The following DMD variants were observed in gnomAD, a reference collection of about 807,000 sequenced individuals.
DMD encodes the protein mutant dystrophin.
Under a neutral mutation model 330.1 loss-of-function variants are expected in DMD, and 63 were observed. The observed-to-expected ratio is 0.19, with a 90% CI of 0.16 to 0.24. The LOEUF is 0.24. DMD is among the 10% of genes least tolerant of loss of function. The pLI, the probability that DMD is intolerant of heterozygous loss-of-function variation, is 1.00. For missense variants in DMD, 3,344 were observed against 2,684.1 expected (o/e 1.25, Z -5.43); for synonymous variants, 1,223 against 959.8 (o/e 1.27, Z -5.07).
chrX:31,934,756 C>T (rs1166377551), intron 45 of DMD, among the ~76,000 whole-genome samples: 1 of 111,277 alleles, frequency 9.0e-6, no homozygotes, highest in Non-Finnish European at 1.9e-5. Flanking sequence ...ATCTGGAGCT[C>T]GGGGAGAGAG....
intron 13 of DMD, among the ~76,000 whole-genome samples, chrX:32,585,060 G>A (rs1027013271): frequency 9.0e-6 from 1 of 111,249 alleles, no homozygotes; most frequent in African/African-American, 3.3e-5. Context: ...AATGGAACTG[G>A]AGGTCATTAT....
chrX:32,158,408 GA>G (rs201006830), intron 44 of DMD, among the ~76,000 whole-genome samples: 3 of 110,544 alleles, frequency 2.7e-5, no homozygotes, highest in African/African-American at 3.3e-5. Context: ...AAAGAAAAAA[GA>G]AAAAAATAAT....
intron 9 of DMD, among the ~76,000 whole-genome samples, chrX:32,651,568 T>C (rs771952795): frequency 6.2e-5 from 7 of 112,010 alleles, no homozygotes; most frequent in Admixed American, 4.7e-4. Flanking sequence ...GGAAATCAAA[T>C]GTCAAGTCTA....
At chrX:32,583,008 C>A in intron 13 of DMD, among the ~76,000 whole-genome samples, 1 of 111,640 alleles carries the variant, frequency 9.0e-6, no homozygotes, top group Non-Finnish European at 1.9e-5. Context: ...TGCCTAATCA[C>A]CATCCTAACC....
chrX:32,842,824 T>G (rs1038642821), intron 4 of DMD, among the ~76,000 whole-genome samples: 5 of 111,065 alleles, frequency 4.5e-5, no homozygotes, highest in Non-Finnish European at 9.4e-5. Context: ...ATTTTTTTTT[T>G]TGATATGGAA....
At chrX:33,053,520 C>T (rs889137717) in intron 1 of DMD, among the ~76,000 whole-genome samples, 4 of 109,244 alleles carry the variant, frequency 3.7e-5, no homozygotes, top group Non-Finnish European at 7.6e-5. Context: ...CGCTTGAACT[C>T]GGGAGGCGGA....
At chrX:31,754,871 A>G (rs1603460334) in intron 51 of DMD, among the ~76,000 whole-genome samples, 1 of 112,016 alleles carries the variant, frequency 8.9e-6, no homozygotes, top group African/African-American at 3.2e-5. Context: ...ATATATACAA[A>G]GAAATTTTTA....
intron 74 of DMD, among the ~76,000 whole-genome samples, chrX:31,169,142 A>G (rs1282217657): frequency 4.5e-5 from 5 of 111,384 alleles, no homozygotes; most frequent in African/African-American, 1.6e-4. Flanking sequence ...TTTTTTCTTA[A>G]ATTCTATTCT....
intron 30 of DMD, among the ~76,000 whole-genome samples, chrX:32,393,335 C>G (rs192054239): frequency 1.4e-3 from 152 of 110,781 alleles, no homozygotes; most frequent in African/African-American, 4.8e-3. Context: ...CACTGAAGAG[C>G]ATAAGGAGTT....
chrX:32,280,123 A>G lies in DMD; in HGVS notation c.6290+7406T>C, dbSNP rs991186454. Among the ~76,000 whole-genome samples, 3 of 99,507 alleles carry G rather than the reference A, an allele frequency of 3.0e-5. No individual in the cohort carries two copies. In the South Asian group the frequency reaches 1.4e-3, roughly 47 times the overall value. 86.4% of individuals were successfully genotyped at this position (99,507 alleles called of 115,157 possible). Reference sequence around the variant, plus strand: ...ATGTTTATATATAGTATATATTTATATATGTGTGTTTATATATACAGTATA... The same window carrying G: ...ATGTTTATATATAGTATATATTTATGTATGTGTGTTTATATATACAGTATA... On this transcript the variant is annotated intron_variant, in intron 43 of 78. Transcript: ENST00000357033.
intron 55 of DMD, among the ~76,000 whole-genome samples, chrX:31,609,814 G>A (rs1277318285): frequency 9.0e-6 from 1 of 111,127 alleles, no homozygotes; most frequent in African/African-American, 3.3e-5. Flanking sequence ...ATGGTAGGTC[G>A]ATAGCCTGAG....
intron 57 of DMD, among the ~76,000 whole-genome samples, chrX:31,482,739 A>G (rs1278385347): frequency 8.9e-6 from 1 of 111,940 alleles, no homozygotes; most frequent in Non-Finnish European, 1.9e-5. Context: ...AAAGAGGAAG[A>G]CACGACAGGA....
intron 17 of DMD, among the ~76,000 whole-genome samples, chrX:32,523,204 G>C (rs1201439390): frequency 8.1e-5 from 9 of 110,913 alleles, no homozygotes; most frequent in Non-Finnish European, 1.7e-4. Flanking sequence ...CTGAAACTTT[G>C]AACTAAAGAA....
chrX:31,643,590 G>T (rs1431763305), intron 54 of DMD, among the ~76,000 whole-genome samples: 2 of 111,874 alleles, frequency 1.8e-5, no homozygotes, highest in African/African-American at 6.5e-5. Flanking sequence ...CATTTGTTTT[G>T]TTAGTGAAAT....
intron 1 of DMD, among the ~76,000 whole-genome samples, chrX:33,233,855 C>T (rs1381711491): frequency 8.0e-5 from 9 of 112,139 alleles, no homozygotes; most frequent in African/African-American, 2.9e-4. Flanking sequence ...ACAAAATCCT[C>T]ATTATAATGT....
chrX:31,483,269 A>C (rs1337054535), intron 57 of DMD, among the ~76,000 whole-genome samples: 1 of 109,413 alleles, frequency 9.1e-6, no homozygotes, highest in Admixed American at 9.7e-5. Context: ...GATGGTCTCC[A>C]TCTCCCAACC....
chrX:33,013,137 T>C (rs1366192794), intron 2 of DMD, among the ~76,000 whole-genome samples: 2 of 110,751 alleles, frequency 1.8e-5, no homozygotes, highest in Non-Finnish European at 1.9e-5. Context: ...ATAATAGGTA[T>C]GGAAATATCA....
rs188204621 is a variant in DMD, at chrX:32,147,550, A to G, written c.6438+69366T>C. Reference sequence around the variant, plus strand: ...AGATAAGTTGATATTTGACAAATACACTGACTTTAGAAAAAATATGAAATC... The same window carrying G: ...AGATAAGTTGATATTTGACAAATACGCTGACTTTAGAAAAAATATGAAATC... On this transcript the variant is annotated intron_variant, in intron 44 of 78. Coordinates refer to ENST00000357033, the MANE Select transcript of DMD (RefSeq NM_004006.3). Among the ~76,000 whole-genome samples the G allele has an allele frequency of 7.1e-5, 8 of 112,049 alleles. No individual in the cohort carries two copies. In the East Asian group the frequency reaches 2.2e-3, roughly 31 times the overall value.
At chrX:31,375,620 A>AAT in intron 60 of DMD, among the ~76,000 whole-genome samples, 1 of 111,807 alleles carries the variant, frequency 8.9e-6, no homozygotes, top group Non-Finnish European at 1.9e-5. Flanking sequence ...AAAGGAACAA[A>AAT]TACTGTATAA....
Sources: gnomAD v4.1 joint callset for allele counts (sites outside exome capture counted in the v4.1 genomes callset) on GRCh38, gnomAD v4.1.1 for gene constraint, MANE v1.5 for transcripts, NCBI Gene and HGNC (gene_info 2026-07-23, HGNC 2026-07-21) for gene names.